Variants in TAFA1 observed in about 807,000 individuals in gnomAD.
TAFA1 encodes TAFA chemokine like family member 1.
TAFA1 carries 4 observed loss-of-function variants against 18.5 expected under a neutral mutation model. The ratio of observed to expected loss-of-function variants is 0.22; its 90% CI spans 0.11 to 0.49. TAFA1 has a LOEUF of 0.49. Ranked by LOEUF, TAFA1 falls within the 20% of genes least tolerant of loss-of-function variation. The pLI is 0.98. For missense variants in TAFA1, 147 were observed against 169.0 expected (o/e 0.87, Z 0.72); for synonymous variants, 56 against 55.2 (o/e 1.01, Z -0.06).
At chr3:68,479,239 A>ATATATATAT (rs1282917420) in intron 3 of TAFA1, among the ~76,000 whole-genome samples, 106 of 122,948 alleles carry the variant, frequency 8.6e-4, no homozygotes, top group African/African-American at 4.1e-3. Flanking sequence ...CAAAAAAAAA[A>ATATATATAT]AAATATATAT....
At chr3:68,462,846 A>G (rs1412890363) in intron 3 of TAFA1, among the ~76,000 whole-genome samples, 1 of 152,192 alleles carries the variant, frequency 6.6e-6, no homozygotes, top group Non-Finnish European at 1.5e-5. Context: ...ATGAAATTCC[A>G]TGGAATATAC....
chr3:68,258,777 G>A (rs899696399), intron 2 of TAFA1, among the ~76,000 whole-genome samples: 29 of 152,254 alleles, frequency 1.9e-4, no homozygotes, highest in African/African-American at 6.7e-4. Context: ...GTTTTTCCAG[G>A]TTCACTTTCT....
At chr3:68,410,483 G>A (rs2070694293) in intron 2 of TAFA1, among the ~76,000 whole-genome samples, 1 of 151,908 alleles carries the variant, frequency 6.6e-6, no homozygotes. Flanking sequence ...TAGATTTAGG[G>A]TTTTGGGCTA....
intron 2 of TAFA1, among the ~76,000 whole-genome samples, chr3:68,258,833 G>A (rs1037564517): frequency 6.6e-6 from 1 of 152,138 alleles, no homozygotes; most frequent in Non-Finnish European, 1.5e-5. Flanking sequence ...ATATGCTAGG[G>A]CATGTTTTAT....
chr3:68,364,649 A>G (rs2069532049), intron 2 of TAFA1, among the ~76,000 whole-genome samples: 2 of 152,210 alleles, frequency 1.3e-5, no homozygotes, highest in African/African-American at 4.8e-5. Flanking sequence ...ATCTAAGAAA[A>G]GCATAGACTA....
At chr3:68,037,074 A>C (rs1190073300) in intron 2 of TAFA1, among the ~76,000 whole-genome samples, 1 of 152,136 alleles carries the variant, frequency 6.6e-6, no homozygotes, top group Non-Finnish European at 1.5e-5. Flanking sequence ...GAGGAGACAT[A>C]GCTTGGGAGA....
intron 2 of TAFA1, among the ~76,000 whole-genome samples, chr3:68,052,341 C>T (rs1559718131): frequency 6.6e-6 from 1 of 152,278 alleles, no homozygotes; most frequent in South Asian, 2.1e-4. Context: ...CTCAATGGCA[C>T]TCTTTTTTGT....
At chr3:68,001,522 C>T (rs1301836869), upstream of TAFA1, among the ~76,000 whole-genome samples, 2 of 150,888 alleles carry the variant, frequency 1.3e-5, no homozygotes, top group African/African-American at 4.9e-5. Context: ...TTCCTTGTTG[C>T]TACTAAGGAT....
intron 2 of TAFA1, among the ~76,000 whole-genome samples, chr3:68,013,063 A>C (rs748542791): frequency 6.6e-6 from 1 of 152,164 alleles, no homozygotes; most frequent in Non-Finnish European, 1.5e-5. Flanking sequence ...TATTCAGATT[A>C]CATGCATTGA....
At chr3:68,186,779 G>C (rs1408867900) in intron 2 of TAFA1, among the ~76,000 whole-genome samples, 1 of 152,036 alleles carries the variant, frequency 6.6e-6, no homozygotes, top group Non-Finnish European at 1.5e-5. Context: ...TTTAGTAAGT[G>C]CTCAGGATGC....
At chr3:68,036,296 A>G (rs1705045903) in intron 2 of TAFA1, among the ~76,000 whole-genome samples, 1 of 151,922 alleles carries the variant, frequency 6.6e-6, no homozygotes, top group African/African-American at 2.4e-5. Context: ...AAAATTAGCC[A>G]TGCATGGTGG....
chr3:68,325,785 C>T (rs2068767183), intron 2 of TAFA1, among the ~76,000 whole-genome samples: 1 of 152,138 alleles, frequency 6.6e-6, no homozygotes, highest in African/African-American at 2.4e-5. Flanking sequence ...TAAGCTTATT[C>T]AGTTCCCATA....
chr3:68,321,432 G>A (rs1423499113), intron 2 of TAFA1, among the ~76,000 whole-genome samples: 2 of 152,098 alleles, frequency 1.3e-5, no homozygotes, highest in African/African-American at 4.8e-5. Context: ...TTTGATGTTG[G>A]AGAGAAAGAA....
chr3:68,339,631 T>A (rs1006572929), intron 2 of TAFA1, among the ~76,000 whole-genome samples: 1 of 152,256 alleles, frequency 6.6e-6, no homozygotes, highest in African/African-American at 2.4e-5. Flanking sequence ...ATTTTTGCAG[T>A]GTGTACAACT....
At chr3:68,218,286 T>A (rs1264743895) in intron 2 of TAFA1, among the ~76,000 whole-genome samples, 1 of 152,168 alleles carries the variant, frequency 6.6e-6, no homozygotes, top group Non-Finnish European at 1.5e-5. Context: ...TAAATGATGC[T>A]CTAAAGTCTC....
In TAFA1 at chr3:68,281,877, A is replaced by T. The variant is rs548249810; in HGVS notation, c.119-135403A>T. 1.4e-4 allele frequency among the ~76,000 whole-genome samples: 21 copies of T among 152,202 alleles called. No individual in the cohort carries two copies. The South Asian group carries it at 4.3e-3, about 32-fold the overall frequency. ...TTGATATTTCTGATCCACAGAAGAG[A>T]GTGGAATCATTGTTTTAGTCCATTC... On this transcript the variant is annotated intron_variant, in intron 2 of 4. Transcript: ENST00000478136.
chr3:68,464,549 A>C (rs1156815461), intron 3 of TAFA1, among the ~76,000 whole-genome samples: 1 of 152,134 alleles, frequency 6.6e-6, no homozygotes, highest in African/African-American at 2.4e-5. Flanking sequence ...TGGTTGGAGC[A>C]GTGAAAGGAG....
At chr3:68,405,904 C>T (rs2070596968) in intron 2 of TAFA1, among the ~76,000 whole-genome samples, 1 of 151,692 alleles carries the variant, frequency 6.6e-6, no homozygotes, top group African/African-American at 2.4e-5. Context: ...CCAGTGTTGC[C>T]TTTGAAATTG....
chr3:68,048,796 C>A (rs1244856308), intron 2 of TAFA1, among the ~76,000 whole-genome samples: 1 of 152,098 alleles, frequency 6.6e-6, no homozygotes, highest in Non-Finnish European at 1.5e-5. Context: ...AAATCTCATT[C>A]TTTTTAATGG....
Sources: gnomAD v4.1 joint callset for allele counts (sites outside exome capture counted in the v4.1 genomes callset) on GRCh38, gnomAD v4.1.1 for gene constraint, MANE v1.5 for transcripts, NCBI Gene and HGNC (gene_info 2026-07-23, HGNC 2026-07-21) for gene names.